The following DCBLD2 variants were observed in gnomAD, a reference collection of about 807,000 sequenced individuals.
DCBLD2 encodes the protein discoidin, CUB and LCCL domain containing 2.
A neutral mutation model predicts 86.8 loss-of-function variants in DCBLD2; 54 were observed. The observed-to-expected ratio is 0.62, with a 90% CI of 0.50 to 0.78. The LOEUF is 0.78. DCBLD2 is among the 30% of genes least tolerant of loss of function. The pLI is 0.00. For synonymous variants in DCBLD2, 354 were observed against 341.3 expected, an observed-to-expected ratio of 1.04 and a Z score of -0.41; for missense variants, 908 against 954.2, an observed-to-expected ratio of 0.95 and a Z score of 0.64.
At chr3:98,849,106 T>C (rs1207803921) in intron 3 of DCBLD2, among the ~76,000 whole-genome samples, 4 of 150,210 alleles carry the variant, frequency 2.7e-5, no homozygotes, top group East Asian at 2.0e-4. Flanking sequence ...GAGGTGGAGA[T>C]TGCGGTGAGC....
At chr3:98,863,628 A>C (rs1559791407) in intron 2 of DCBLD2, among the ~76,000 whole-genome samples, 1 of 152,250 alleles carries the variant, frequency 6.6e-6, no homozygotes, top group Non-Finnish European at 1.5e-5. Context: ...TTCCCTATTT[A>C]ATAAATGGTG....
At chr3:98,884,803 T>C (rs565940342) in intron 1 of DCBLD2, among the ~76,000 whole-genome samples, 2 of 152,062 alleles carry the variant, frequency 1.3e-5, no homozygotes, top group South Asian at 4.2e-4. Context: ...GAAACTCAAG[T>C]ATTTTCTATT....
In DCBLD2 at chr3:98,822,693, TC is replaced by T; in HGVS notation, c.671del (p.Gly224GlufsTer22). On this transcript the variant is annotated frameshift_variant, in exon 5 of 16. Transcript: ENST00000326840. LOFTEE classifies it high-confidence loss of function. ...GCLLPFAEIS[G>X]TIPHGYRDSS... Reference sequence around the variant, plus strand: ...CATCTCTATATCCATGAGGAATTGTTCCAGATATCTCAGCAAAAGGAAGCAG... The same window carrying T: ...CATCTCTATATCCATGAGGAATTGTTCAGATATCTCAGCAAAAGGAAGCAG... 6.3e-7 allele frequency: 1 copy of T among 1,595,560 alleles called. No individual in the cohort carries two copies. Among genetic ancestry groups the T allele is most frequent in the Non-Finnish European group, 8.5e-7 (1 of 1,170,444 alleles).
At chr3:98,831,725 G>A (rs1942326841) in intron 3 of DCBLD2, among the ~76,000 whole-genome samples, 1 of 152,000 alleles carries the variant, frequency 6.6e-6, no homozygotes, top group Non-Finnish European at 1.5e-5. Flanking sequence ...AAGTTATTCT[G>A]GAGCATTTCC....
chr3:98,868,770 G>T (rs73138042), intron 2 of DCBLD2, among the ~76,000 whole-genome samples: 2 of 152,060 alleles, frequency 1.3e-5, no homozygotes, highest in African/African-American at 4.8e-5. Context: ...AAGGAGCTGC[G>T]AAGACATTAT....
intron 13 of DCBLD2, among the ~76,000 whole-genome samples, chr3:98,806,704 T>C (rs772707590): frequency 2.0e-5 from 3 of 152,206 alleles, no homozygotes; most frequent in Non-Finnish European, 4.4e-5. Flanking sequence ...ACTTGTTGCA[T>C]GGCTGAACAA....
chr3:98,844,059 CACA>C (rs1942673456), intron 3 of DCBLD2, among the ~76,000 whole-genome samples: 4 of 151,424 alleles, frequency 2.6e-5, no homozygotes, highest in South Asian at 2.1e-4. Context: ...CACACACACA[CACA>C]CCCCAATTAT....
chr3:98,810,702 C>T (rs1941922984), intron 12 of DCBLD2, among the ~76,000 whole-genome samples: 3 of 152,112 alleles, frequency 2.0e-5, no homozygotes, highest in Non-Finnish European at 4.4e-5. Flanking sequence ...ATTGCAAACA[C>T]TTAAAAAGAG....
At chr3:98,863,777 C>T (rs1943090100) in intron 2 of DCBLD2, among the ~76,000 whole-genome samples, 3 of 152,192 alleles carry the variant, frequency 2.0e-5, no homozygotes, top group Non-Finnish European at 2.9e-5. Flanking sequence ...AAAACCTAGG[C>T]AATACCATTC....
chr3:98,801,447 G>T, intron 14 of DCBLD2, 153 bp downstream of exon 14: 1 of 502,746 alleles, frequency 2.0e-6, no homozygotes, highest in Non-Finnish European at 3.5e-6. Context: ...TTGCAGAAGG[G>T]TAAAAATGGT....
At chr3:98,844,434 T>G (rs1168124729) in intron 3 of DCBLD2, among the ~76,000 whole-genome samples, 1 of 151,710 alleles carries the variant, frequency 6.6e-6, no homozygotes, top group Non-Finnish European at 1.5e-5. Flanking sequence ...CTTGGCTCAC[T>G]GCAACCTTCG....
intron 9 of DCBLD2, chr3:98,813,438 G>A (rs6788689): frequency 0.35 from 52,947 of 151,918 alleles, 9,358 homozygotes; most frequent in Non-Finnish European, 0.38. Flanking sequence ...TGCATTTTTA[G>A]TAGAGACAGG....
At position 98,799,498 on chromosome 3, in the gene DCBLD2, G is replaced by A; in HGVS notation, c.2202C>T (p.Thr734=). Reference sequence around the variant, plus strand: ...GTAGACCTGGCTTCCCAGCTTTCGGGGTATCATACTGGGCCTGGGCTGAGG... The same window carrying A: ...GTAGACCTGGCTTCCCAGCTTTCGGAGTATCATACTGGGCCTGGGCTGAGG... ...SCSSAQAQYD[T]PKAGKPGLPA... is the part of the protein sequence containing the mutation. Residue 734 remains threonine, a synonymous_variant, in exon 16 of 16, where the codon ACC becomes ACT. Transcript: ENST00000326840. The A allele has an allele frequency of 1.2e-6, 2 of 1,613,928 alleles. No individual in the cohort carries two copies. Among genetic ancestry groups the A allele is most frequent in the Non-Finnish European group, 1.7e-6 (2 of 1,179,878 alleles).
chr3:98,871,362 A>C (rs1367609240), intron 2 of DCBLD2, among the ~76,000 whole-genome samples: 2 of 152,078 alleles, frequency 1.3e-5, no homozygotes, highest in Non-Finnish European at 2.9e-5. Context: ...GTCTTGTTCC[A>C]GTTCTTAGGA....
At chr3:98,854,946 A>G (rs1241101193) in intron 2 of DCBLD2, among the ~76,000 whole-genome samples, 1 of 152,214 alleles carries the variant, frequency 6.6e-6, no homozygotes, top group Non-Finnish European at 1.5e-5. Flanking sequence ...GAACTGGGCA[A>G]AAATTTCTTA....
At chr3:98,895,644 T>C (rs1943739532) in intron 1 of DCBLD2, among the ~76,000 whole-genome samples, 1 of 152,142 alleles carries the variant, frequency 6.6e-6, no homozygotes, top group South Asian at 2.1e-4. Context: ...TTTTCTGCCT[T>C]ATACAACCTT....
At chr3:98,868,495 A>C (rs1158187881) in intron 2 of DCBLD2, among the ~76,000 whole-genome samples, 1 of 152,134 alleles carries the variant, frequency 6.6e-6, no homozygotes, top group African/African-American at 2.4e-5. Context: ...TAGGGGTACA[A>C]GTAGTTTTTG....
At chr3:98,806,153 T>C (rs969608002) in intron 13 of DCBLD2, among the ~76,000 whole-genome samples, 9 of 152,180 alleles carry the variant, frequency 5.9e-5, no homozygotes, top group Non-Finnish European at 1.2e-4. Flanking sequence ...TAGAGGTGCA[T>C]GTTGTCAAGA....
chr3:98,867,336 T>C (rs1450675467), intron 2 of DCBLD2, among the ~76,000 whole-genome samples: 1 of 152,242 alleles, frequency 6.6e-6, no homozygotes, highest in African/African-American at 2.4e-5. Context: ...TTCCTATCCA[T>C]GAGCATGGAA....
Sources: gnomAD v4.1 joint callset for allele counts (sites outside exome capture counted in the v4.1 genomes callset) on GRCh38, gnomAD v4.1.1 for gene constraint, MANE v1.5 for transcripts, NCBI Gene and HGNC (gene_info 2026-07-23, HGNC 2026-07-21) for gene names.